Variants in GRIA1 observed in about 807,000 individuals in gnomAD.
GRIA1 encodes the protein glutamate ionotropic receptor AMPA type subunit 1.
A neutral mutation model predicts 99.2 loss-of-function variants in GRIA1; 31 were observed. That is an observed-to-expected ratio of 0.31 (90% CI 0.23 to 0.42). The LOEUF (loss-of-function observed/expected upper bound fraction) is 0.42. Ranked by LOEUF, GRIA1 falls within the 10% of genes least tolerant of loss-of-function variation. The pLI is 1.00. For synonymous variants in GRIA1, 438 were observed against 432.4 expected (o/e 1.01, Z -0.16); for missense variants, 782 against 1,157.5 (o/e 0.68, Z 4.71).
At chr5:153,548,831 A>G (rs935134908) in intron 2 of GRIA1, among the ~76,000 whole-genome samples, 31 of 152,080 alleles carry the variant, frequency 2.0e-4, no homozygotes, top group African/African-American at 7.5e-4. Flanking sequence ...ATTTTCTAAG[A>G]CTGGGATTAT....
At chr5:153,715,201 C>G (rs868303875) in intron 11 of GRIA1, among the ~76,000 whole-genome samples, 13 of 152,194 alleles carry the variant, frequency 8.5e-5, no homozygotes, top group South Asian at 2.1e-4. Flanking sequence ...TAAGGCTCAC[C>G]TCCTTATGAT....
intron 10 of GRIA1, among the ~76,000 whole-genome samples, chr5:153,703,125 C>T (rs969594569): frequency 1.3e-5 from 2 of 152,336 alleles, no homozygotes; most frequent in Admixed American, 6.5e-5. Context: ...TTTTCACAAA[C>T]CACCTTCCCT....
At position 153,647,792 on chromosome 5, in the gene GRIA1, C is replaced by T. The variant is rs544157292; in HGVS notation, c.460+625C>T. Among the ~76,000 whole-genome samples, 3 of 152,260 alleles carry T rather than the reference C, an allele frequency of 2.0e-5. No individual in the cohort carries two copies. In the South Asian group the frequency reaches 6.2e-4, roughly 32 times the overall value. Reference sequence around the variant, plus strand: ...TCCTTTGAATTTAACATCACATTTTCCAAATGTTTTCTATACTTTTTCTTC... The same window carrying T: ...TCCTTTGAATTTAACATCACATTTTTCAAATGTTTTCTATACTTTTTCTTC... On this transcript the variant is annotated intron_variant, in intron 3 of 15. Coordinates refer to ENST00000285900, the MANE Select transcript of GRIA1 (RefSeq NM_000827.4).
intron 11 of GRIA1, among the ~76,000 whole-genome samples, chr5:153,724,355 G>T (rs1760333621): frequency 6.6e-6 from 1 of 152,102 alleles, no homozygotes; most frequent in Admixed American, 6.5e-5. Context: ...CTCCTCCAAA[G>T]GAACGCAGTT....
chr5:153,509,859 T>C (rs758053045), intron 2 of GRIA1, among the ~76,000 whole-genome samples: 1 of 152,220 alleles, frequency 6.6e-6, no homozygotes, highest in Non-Finnish European at 1.5e-5. Flanking sequence ...TAATTGTTTG[T>C]GATGACAAGC....
intron 2 of GRIA1, among the ~76,000 whole-genome samples, chr5:153,527,865 T>C (rs1757745407): frequency 6.6e-6 from 1 of 152,244 alleles, no homozygotes; most frequent in Non-Finnish European, 1.5e-5. Context: ...GCAAGTGTGG[T>C]GATGACCCAT....
At chr5:153,794,000 T>C (rs1765473882) in intron 13 of GRIA1, among the ~76,000 whole-genome samples, 1 of 152,250 alleles carries the variant, frequency 6.6e-6, no homozygotes, top group Admixed American at 6.5e-5. Flanking sequence ...TGTCCTGAAA[T>C]GTCTGAAGTG....
At chr5:153,520,224 C>A (rs1217222610) in intron 2 of GRIA1, among the ~76,000 whole-genome samples, 1 of 152,184 alleles carries the variant, frequency 6.6e-6, no homozygotes, top group East Asian at 1.9e-4. Context: ...TCTAGTCATT[C>A]ATTTATTTTA....
intron 13 of GRIA1, among the ~76,000 whole-genome samples, chr5:153,775,733 A>T (rs1399896946): frequency 6.6e-6 from 1 of 150,800 alleles, no homozygotes; most frequent in Non-Finnish European, 1.5e-5. Context: ...TACCAATGCC[A>T]TAAGAGAGCC....
At chr5:153,615,723 T>C (rs1766434862) in intron 2 of GRIA1, among the ~76,000 whole-genome samples, 1 of 152,188 alleles carries the variant, frequency 6.6e-6, no homozygotes, top group South Asian at 2.1e-4. Context: ...GGCTCTGCCA[T>C]GTCCCTCTGC....
intron 7 of GRIA1, among the ~76,000 whole-genome samples, chr5:153,678,216 G>A (rs1756729741): frequency 6.6e-6 from 1 of 152,204 alleles, no homozygotes; most frequent in African/African-American, 2.4e-5. Flanking sequence ...GAATGAGAGA[G>A]AAATGTACAG....
intron 2 of GRIA1, among the ~76,000 whole-genome samples, chr5:153,639,158 C>A (rs1268675250): frequency 6.6e-6 from 1 of 152,224 alleles, no homozygotes; most frequent in Non-Finnish European, 1.5e-5. Context: ...CCTCCATTGT[C>A]TCTCATCCAT....
chr5:153,526,667 A>T (rs1757627617), intron 2 of GRIA1, among the ~76,000 whole-genome samples: 1 of 152,240 alleles, frequency 6.6e-6, no homozygotes, highest in Non-Finnish European at 1.5e-5. Flanking sequence ...TTGGTATGTT[A>T]AAAATACTGT....
intron 2 of GRIA1, among the ~76,000 whole-genome samples, chr5:153,585,430 T>A (rs1192206133): frequency 6.9e-6 from 1 of 144,164 alleles, no homozygotes; most frequent in Non-Finnish European, 1.5e-5. Flanking sequence ...TGTCTCACCC[T>A]CCCAAGTAGC....
intron 11 of GRIA1, among the ~76,000 whole-genome samples, chr5:153,718,814 T>C (rs1434285946): frequency 6.6e-6 from 1 of 152,158 alleles, no homozygotes; most frequent in Non-Finnish European, 1.5e-5. Context: ...GGCCCACCTC[T>C]GGCCAGAGGA....
At chr5:153,653,914 G>A (rs1420713492) in intron 4 of GRIA1, among the ~76,000 whole-genome samples, 1 of 152,218 alleles carries the variant, frequency 6.6e-6, no homozygotes, top group Admixed American at 6.5e-5. Flanking sequence ...GAGAATGGGA[G>A]AGGCCATTCA....
chr5:153,568,563 A>G (rs1056895192), intron 2 of GRIA1, among the ~76,000 whole-genome samples: 11 of 152,076 alleles, frequency 7.2e-5, no homozygotes, highest in Admixed American at 4.6e-4. Flanking sequence ...CTCTCATTAT[A>G]ACATCTTTTT....
chr5:153,776,505 C>G (rs558504742), intron 13 of GRIA1, among the ~76,000 whole-genome samples: 2 of 152,272 alleles, frequency 1.3e-5, no homozygotes, highest in Admixed American at 1.3e-4. Flanking sequence ...ACAAGCTTTC[C>G]GGCACACCAG....
Position 153,626,442 on chromosome 5 carries a change from G to GTA in GRIA1, c.221-20485_221-20484insAT, listed in dbSNP as rs1379996352. ...ACAAATCTAGTCTCTGTGTGTGTGT[G>GTA]TCTGTGTGTGTGTGTGTGTGTGTGT... On this transcript the variant is annotated intron_variant, in intron 2 of 15. Transcript: ENST00000285900. 2.7e-3 allele frequency among the ~76,000 whole-genome samples: 300 copies of GTA among 111,866 alleles called. 3 individuals carry two copies. The highest frequency in any genetic ancestry group is 5.7e-3 in the Admixed American group (60 of 10,616). The allele number at this position is 111,866 out of a possible 152,430, so 73.4% of individuals were successfully genotyped here.
Sources: allele counts gnomAD v4.1 joint callset (sites outside exome capture counted in the v4.1 genomes callset), GRCh38; gene constraint gnomAD v4.1.1; transcripts MANE v1.5; gene names NCBI Gene and HGNC (gene_info 2026-07-23, HGNC 2026-07-21).